Variants in HIVEP3 observed in about 807,000 individuals in gnomAD.
The protein encoded by HIVEP3 is transcription factor HIVEP3.
A neutral mutation model predicts 152.8 loss-of-function variants in HIVEP3; 49 were observed. The ratio of observed to expected loss-of-function variants is 0.32; its 90% CI spans 0.26 to 0.41. The LOEUF (loss-of-function observed/expected upper bound fraction) is 0.41, where lower values mean the gene tolerates loss of function less well. Ranked by LOEUF, HIVEP3 falls within the 10% of genes least tolerant of loss-of-function variation. HIVEP3 has a pLI of 1.00. For synonymous variants in HIVEP3, 1,269 were observed against 1,289.0 expected, an observed-to-expected ratio of 0.98 and a Z score of 0.33; for missense variants, 2,790 against 3,103.3, an observed-to-expected ratio of 0.90 and a Z score of 2.40.
At chr1:41,741,200 A>T (rs1490254256) in intron 1 of HIVEP3, among the ~76,000 whole-genome samples, 1 of 152,180 alleles carries the variant, frequency 6.6e-6, no homozygotes, top group African/African-American at 2.4e-5. Context: ...TTTGCTTTCA[A>T]AAAAGGAGGG....
In HIVEP3 at chr1:41,583,568, G is replaced by T. The variant is rs199930261; in HGVS notation, c.1230C>A (p.Asn410Lys). 23 of 1,614,034 alleles carry T rather than the reference G, an allele frequency of 1.4e-5. No individual in the cohort carries two copies. Among genetic ancestry groups the T allele is most frequent in the Non-Finnish European group, 1.9e-5 (23 of 1,180,032 alleles). The part of the protein sequence containing the change: ...AEQQVSPPNT[N>K]AKSYAEIIFG... Reference sequence around the variant, plus strand: ...AGATGATCTCAGCGTAGGACTTGGCGTTGGTGTTTGGGGGGCTGACCTGCT... The same window carrying T: ...AGATGATCTCAGCGTAGGACTTGGCTTTGGTGTTTGGGGGGCTGACCTGCT... The change falls in exon 4 of 9, where the codon AAC becomes AAA. Residue 410 changes from asparagine to lysine, a missense_variant. Coordinates refer to ENST00000372583, the MANE Select transcript of HIVEP3 (RefSeq NM_024503.5). This position sits in a 1 kb window ranked among gnomAD's most constrained non-coding sequence, Gnocchi z 6.9.
chr1:41,952,921 A>G lies in HIVEP3; in HGVS notation n.120-34397T>C, dbSNP rs559672666. ...AAGGTGTCAAGTCATTCCACTGCCT[A>G]TAGGACAAAAGTCCTTCTCATGAGC... On this transcript the variant is annotated intron_variant and non_coding_transcript_variant, in intron 1 of 3. Transcript: ENST00000489103. Among the ~76,000 whole-genome samples the G allele has an allele frequency of 2.6e-5, 4 of 152,286 alleles. No individual in the cohort carries two copies. The South Asian group carries it at 8.3e-4, about 32-fold the overall frequency.
intron 1 of HIVEP3, among the ~76,000 whole-genome samples, chr1:41,811,465 C>T (rs1650954058): frequency 6.6e-6 from 1 of 151,958 alleles, no homozygotes; most frequent in Non-Finnish European, 1.5e-5. Context: ...TCTTTGAACA[C>T]CATTTTTCAC....
At chr1:41,902,239 C>T (rs1234877343) in intron 1 of HIVEP3, among the ~76,000 whole-genome samples, 2 of 152,156 alleles carry the variant, frequency 1.3e-5, no homozygotes, top group African/African-American at 4.8e-5. Context: ...GCCCACATTG[C>T]TTTCACTTAG....
chr1:41,575,827 T>A, intron 4 of HIVEP3, 138 bp from the exon 5 acceptor site: 1 of 902,682 alleles, frequency 1.1e-6, no homozygotes, highest in Non-Finnish European at 1.7e-6. Context: ...CATGAAGAGG[T>A]GCTATTAGCT....
chr1:42,011,888 T>C (rs1002443013), intron 1 of HIVEP3, among the ~76,000 whole-genome samples: 4 of 152,218 alleles, frequency 2.6e-5, no homozygotes, highest in Non-Finnish European at 4.4e-5. Flanking sequence ...GAAGACATGC[T>C]ACCCTGCCCT....
intron 2 of HIVEP3, among the ~76,000 whole-genome samples, chr1:41,654,529 C>T (rs1278576721): frequency 2.0e-5 from 3 of 152,124 alleles, no homozygotes; most frequent in Non-Finnish European, 2.9e-5. Flanking sequence ...AGAACAGAGA[C>T]CCCATATAGC....
intron 1 of HIVEP3, among the ~76,000 whole-genome samples, chr1:41,841,599 A>G (rs1448805726): frequency 6.6e-6 from 1 of 152,150 alleles, no homozygotes; most frequent in Admixed American, 6.5e-5. Flanking sequence ...CTGTTCTTCC[A>G]GAAGCTGGTG....
chr1:41,939,990 TTAGTC>T (rs1645037960), intron 1 of HIVEP3, among the ~76,000 whole-genome samples: 2 of 152,196 alleles, frequency 1.3e-5, no homozygotes. Context: ...TTATTTTACT[TTAGTC>T]TGAGGCACCT....
chr1:41,580,621 T>A lies in HIVEP3; in HGVS notation c.4177A>T (p.Thr1393Ser), dbSNP rs1558080371. ...LSEEQSRAFP[T>S]PYLRVPVTLP... ...GTCACAGGCACTCTCAGGTATGGAG[T>A]TGGGAAAGCTCTGCTTTGCTCTTCA... Residue 1393 changes from threonine (T) to serine (S), a missense_variant, in exon 4 of 9, where the codon ACT (threonine) becomes TCT (serine). Transcript: ENST00000372583. The A allele has an allele frequency of 6.2e-7, 1 of 1,614,014 alleles. No homozygotes were observed. The highest frequency in any genetic ancestry group is 8.5e-7 in the Non-Finnish European group (1 of 1,180,012).
Position 41,583,215 on chromosome 1 carries a change from G to T in HIVEP3, c.1583C>A (p.Pro528Gln), listed in dbSNP as rs200550236. ...PEQSLLSLQH[P>Q]PSTAPPVPLL... ...AGGCACAGGGGGGGCGGTACTGGGCGGGTGCTGGAGGCTCAGCAGTGATTG... is the reference window on the plus strand; with the variant it reads ...AGGCACAGGGGGGGCGGTACTGGGCTGGTGCTGGAGGCTCAGCAGTGATTG... The change falls in exon 4 of 9, where the codon CCG (proline) becomes CAG (glutamine). Residue 528 changes from proline (P) to glutamine (Q), a missense_variant. Physicochemically the swap from Pro to Gln is moderately conservative, Grantham distance 76 (BLOSUM62 -1). This residue lies in a region of HIVEP3 where 339 missense variants were observed against 327.0 expected (regional missense o/e 1.04). Transcript: ENST00000372583. The surrounding 1 kb of genome is among the most constrained non-coding windows in gnomAD (Gnocchi z 6.9). 1 of 1,611,190 alleles carries T rather than the reference G, an allele frequency of 6.2e-7. No homozygotes were observed. Among genetic ancestry groups the T allele is most frequent in the South Asian group, 1.1e-5 (1 of 90,892 alleles).
chr1:41,621,997 G>A (rs2149142413), intron 3 of HIVEP3, among the ~76,000 whole-genome samples: 1 of 152,310 alleles, frequency 6.6e-6, no homozygotes, highest in South Asian at 2.1e-4. Context: ...ATCATTTCCT[G>A]CCTGGATTGC....
chr1:41,843,044 A>G (rs943418507), intron 1 of HIVEP3, among the ~76,000 whole-genome samples: 2 of 152,206 alleles, frequency 1.3e-5, no homozygotes, highest in African/African-American at 4.8e-5. Context: ...GGAATGCAGG[A>G]TGCAGGCCCT....
intron 1 of HIVEP3, among the ~76,000 whole-genome samples, chr1:41,810,389 T>C (rs1650883215): frequency 6.6e-6 from 1 of 152,186 alleles, no homozygotes; most frequent in Non-Finnish European, 1.5e-5. Flanking sequence ...GACTCCAGGA[T>C]GAGTGCAATG....
At chr1:42,016,146 T>C (rs1216093878) in intron 1 of HIVEP3, among the ~76,000 whole-genome samples, 1 of 152,342 alleles carries the variant, frequency 6.6e-6, no homozygotes, top group East Asian at 1.9e-4. Context: ...TATTTGTATA[T>C]ACACATACAT....
intron 2 of HIVEP3, among the ~76,000 whole-genome samples, chr1:41,670,829 G>A (rs544010997): frequency 2.6e-5 from 4 of 152,286 alleles, no homozygotes; most frequent in East Asian, 3.9e-4. Context: ...GCCCTGCGTC[G>A]GGCATATTAC....
intron 1 of HIVEP3, among the ~76,000 whole-genome samples, chr1:41,807,625 C>T (rs1232189039): frequency 1.3e-5 from 2 of 152,152 alleles, no homozygotes; most frequent in Admixed American, 6.5e-5. Flanking sequence ...AGAATGCACA[C>T]GCAGGCCTGC....
At chr1:41,861,954 C>T (rs930147908) in intron 1 of HIVEP3, among the ~76,000 whole-genome samples, 8 of 152,028 alleles carry the variant, frequency 5.3e-5, no homozygotes, top group African/African-American at 1.9e-4. Context: ...GAAGATACCA[C>T]AAAGCAAATA....
At chr1:41,789,004 C>T (rs575195508) in intron 1 of HIVEP3, among the ~76,000 whole-genome samples, 5 of 152,226 alleles carry the variant, frequency 3.3e-5, no homozygotes, top group Non-Finnish European at 1.5e-5. Context: ...CCTGGCTCCT[C>T]GTCCCTCTAG....
Sources: gnomAD v4.1 joint callset for allele counts (sites outside exome capture counted in the v4.1 genomes callset) on GRCh38, gnomAD v4.1.1 for gene constraint, gnomAD v4.1.1 regional missense constraint, Gnocchi (gnomAD v3.1) non-coding constraint, MANE v1.5 for transcripts, NCBI Gene and HGNC (gene_info 2026-07-23, HGNC 2026-07-21) for gene names.